PCCA: variants seen among roughly 807,000 people sequenced by gnomAD.
The protein encoded by PCCA is propionyl-CoA carboxylase alpha chain, mitochondrial.
PCCA carries 74 observed loss-of-function variants against 101.3 expected under a neutral mutation model. The ratio of observed to expected loss-of-function variants is 0.73; its 90% CI spans 0.61 to 0.89. PCCA has a LOEUF of 0.89. PCCA is among the 40% of genes least tolerant of loss of function. The pLI is 0.00. For missense variants in PCCA, 891 were observed against 907.0 expected, an observed-to-expected ratio of 0.98 and a Z score of 0.23; for synonymous variants, 294 against 313.6, an observed-to-expected ratio of 0.94 and a Z score of 0.66.
chr13:100,421,760 C>T (rs548231902), intron 19 of PCCA, among the ~76,000 whole-genome samples: 27 of 152,116 alleles, frequency 1.8e-4, no homozygotes, highest in Non-Finnish European at 3.2e-4. Context: ...TCTCAGCTCA[C>T]TGCAACCTCT....
At position 100,497,140 on chromosome 13, in the gene PCCA, G is replaced by C. The variant is rs571760263; in HGVS notation, c.1900-18287G>C. 3.9e-5 allele frequency among the ~76,000 whole-genome samples: 6 copies of C among 152,334 alleles called. No homozygotes were observed. The South Asian group carries it at 1.2e-3, about 32-fold the overall frequency. On this transcript the variant is annotated intron_variant, in intron 21 of 23. Transcript: ENST00000376285. The stretch of plus-strand genomic sequence containing the variant: ...GAGCTAAAAATAGCAGAGAAATGGG[G>C]AATTGGGGGGAAGATTATAGTCAAA...
chr13:100,276,888 G>T (rs1010425158), intron 12 of PCCA, among the ~76,000 whole-genome samples: 2 of 152,150 alleles, frequency 1.3e-5, no homozygotes, highest in African/African-American at 2.4e-5. Flanking sequence ...ATGACTACTT[G>T]TATTAACTGC....
chr13:100,468,606 C>T (rs984455242), intron 21 of PCCA, among the ~76,000 whole-genome samples: 13 of 152,188 alleles, frequency 8.5e-5, no homozygotes, highest in Non-Finnish European at 1.9e-4. Context: ...GCTAGCTTCA[C>T]ACTTTTCTTT....
At chr13:100,260,379 T>TTGTGTGTG (rs138371283) in intron 9 of PCCA, among the ~76,000 whole-genome samples, 10 of 135,504 alleles carry the variant, frequency 7.4e-5, no homozygotes, top group South Asian at 2.5e-4. Context: ...AGCAAATTAG[T>TTGTGTGTG]TGTGTGTGTG....
chr13:100,206,376 C>G (rs943572794), intron 6 of PCCA, among the ~76,000 whole-genome samples: 1 of 152,118 alleles, frequency 6.6e-6, no homozygotes, highest in African/African-American at 2.4e-5. Flanking sequence ...AAGCAATTCT[C>G]CTGCCTCAAC....
intron 15 of PCCA, among the ~76,000 whole-genome samples, chr13:100,308,898 T>C (rs1360861941): frequency 8.5e-5 from 13 of 152,204 alleles, no homozygotes; most frequent in Non-Finnish European, 1.5e-5. Context: ...AGTTAAGGTC[T>C]TATTTCATTG....
chr13:100,456,562 G>T (rs1178257116), intron 21 of PCCA, among the ~76,000 whole-genome samples: 1 of 152,216 alleles, frequency 6.6e-6, no homozygotes, highest in Non-Finnish European at 1.5e-5. Flanking sequence ...AGGGGGCAGG[G>T]TAAGGAGGGT....
At chr13:100,113,068 G>A (rs899800074) in intron 4 of PCCA, among the ~76,000 whole-genome samples, 6 of 152,164 alleles carry the variant, frequency 3.9e-5, no homozygotes, top group Non-Finnish European at 5.9e-5. Context: ...GTTAATGACA[G>A]GGATATGTTC....
chr13:100,098,795 T>C (rs1294291196), intron 1 of PCCA, among the ~76,000 whole-genome samples: 2 of 152,136 alleles, frequency 1.3e-5, no homozygotes, highest in Admixed American at 1.3e-4. Flanking sequence ...TCTCAAATAT[T>C]AGGTGTTCAA....
chr13:100,348,787 T>TTTCTTC lies in PCCA; in HGVS notation c.1643+8528_1643+8529insTTCTTC, dbSNP rs2072771494. Among the ~76,000 whole-genome samples the TTTCTTC allele has an allele frequency of 2.8e-4, 13 of 46,648 alleles. No homozygotes were observed. The South Asian group carries it at 0.011, about 41-fold the overall frequency. The allele number at this position is 46,648 out of a possible 152,430, so 30.6% of individuals were successfully genotyped here. ...TTCTTTCTTTCTTTCTTTCTTTCTT[T>TTTCTTC]CTTCCTTCCTTCCTTCCTTCCTTCC... On this transcript the variant is annotated intron_variant, in intron 18 of 23. Coordinates refer to ENST00000376285, the MANE Select transcript of PCCA (RefSeq NM_000282.4).
At chr13:100,094,776 C>T (rs548320547) in intron 1 of PCCA, among the ~76,000 whole-genome samples, 50 of 152,230 alleles carry the variant, frequency 3.3e-4, no homozygotes, top group African/African-American at 9.1e-4. Context: ...TTAGTAGAGA[C>T]GGGGTTTCAC....
chr13:100,185,805 G>A (rs184993436), intron 6 of PCCA, among the ~76,000 whole-genome samples: 45 of 152,060 alleles, frequency 3.0e-4, no homozygotes, highest in Admixed American at 2.7e-3. Context: ...GTGCCACCCC[G>A]CCTGACTAAT....
intron 16 of PCCA, among the ~76,000 whole-genome samples, chr13:100,319,113 G>C (rs1042700175): frequency 4.6e-5 from 7 of 152,146 alleles, no homozygotes; most frequent in Non-Finnish European, 8.8e-5. Context: ...TCATTTGTCT[G>C]TTGGCTGCAT....
chr13:100,415,016 T>G (rs1180124164), intron 19 of PCCA, among the ~76,000 whole-genome samples: 1 of 152,122 alleles, frequency 6.6e-6, no homozygotes, highest in African/African-American at 2.4e-5. Context: ...CCCTATAAAT[T>G]ACATAATTTA....
chr13:100,294,189 A>G (rs2065345679), intron 12 of PCCA, among the ~76,000 whole-genome samples: 1 of 151,926 alleles, frequency 6.6e-6, no homozygotes, highest in South Asian at 2.1e-4. Flanking sequence ...CTGGGTCCTG[A>G]TCTTCTCTTA....
In PCCA at chr13:100,148,635, T is replaced by G. The variant is rs117691286; in HGVS notation, c.301-6344T>G. 5.9e-5 allele frequency among the ~76,000 whole-genome samples: 9 copies of G among 151,988 alleles called. No individual in the cohort carries two copies. The East Asian group carries it at 9.6e-4, about 16-fold the overall frequency. On this transcript the variant is annotated intron_variant, in intron 4 of 23. Coordinates refer to ENST00000376285, the MANE Select transcript of PCCA (RefSeq NM_000282.4). ...CTCCTCCTGCTGGTTTTCATTATTT[T>G]GTTGTTTACTGTATCGTCAGGAATG...
intron 20 of PCCA, among the ~76,000 whole-genome samples, chr13:100,432,802 C>A (rs2079648095): frequency 6.6e-6 from 1 of 152,062 alleles, no homozygotes; most frequent in Non-Finnish European, 1.5e-5. Context: ...TTGAGAGAAA[C>A]CTATGTTTCC....
chr13:100,457,449 G>C (rs1190128443), intron 21 of PCCA, among the ~76,000 whole-genome samples: 1 of 152,178 alleles, frequency 6.6e-6, no homozygotes, highest in Non-Finnish European at 1.5e-5. Context: ...TCCAGGATCA[G>C]AGATGAAGGA....
Position 100,181,394 on chromosome 13 carries a change from C to T in PCCA, c.468+24054C>T, listed in dbSNP as rs540328666. 2.6e-5 allele frequency among the ~76,000 whole-genome samples: 4 copies of T among 152,242 alleles called. No homozygotes were observed. The South Asian group carries it at 8.3e-4, about 32-fold the overall frequency. On this transcript the variant is annotated intron_variant, in intron 6 of 23. Coordinates refer to ENST00000376285, the MANE Select transcript of PCCA (RefSeq NM_000282.4). Reference sequence around the variant, plus strand: ...CTTGCCTTTCCAGGAAACTCATTTACAGGTATTGGGTTTTGATTCTTTCTT... The same window carrying T: ...CTTGCCTTTCCAGGAAACTCATTTATAGGTATTGGGTTTTGATTCTTTCTT...
Sources: allele counts gnomAD v4.1 joint callset (sites outside exome capture counted in the v4.1 genomes callset), GRCh38; gene constraint gnomAD v4.1.1; transcripts MANE v1.5; gene names NCBI Gene and HGNC (gene_info 2026-07-23, HGNC 2026-07-21).